PTPRG: variants seen among roughly 807,000 people sequenced by gnomAD.
The protein encoded by PTPRG is protein tyrosine phosphatase receptor type G.
Under a neutral mutation model 165.3 loss-of-function variants are expected in PTPRG, and 102 were observed. The ratio of observed to expected loss-of-function variants is 0.62; its 90% CI spans 0.53 to 0.73. PTPRG has a LOEUF of 0.73. PTPRG is among the 30% of genes least tolerant of loss of function. The probability of loss-of-function intolerance (pLI) is 0.00; values close to 1 mark genes in which losing one functional copy is unlikely to be tolerated. For missense variants in PTPRG, 1,866 were observed against 1,861.4 expected (o/e 1.00, Z -0.05); for synonymous variants, 675 against 669.5 (o/e 1.01, Z -0.13).
intron 5 of PTPRG, among the ~76,000 whole-genome samples, chr3:62,103,341 C>G (rs918122905): frequency 6.6e-6 from 1 of 152,210 alleles, no homozygotes; most frequent in Non-Finnish European, 1.5e-5. Flanking sequence ...CCCTCACCAG[C>G]TCCCCACCAG....
intron 8 of PTPRG, among the ~76,000 whole-genome samples, chr3:62,189,540 C>A (rs148650546): frequency 1.6e-3 from 247 of 152,300 alleles, no homozygotes; most frequent in African/African-American, 5.7e-3. Flanking sequence ...GGTTCCTGCA[C>A]CCAAACCAGA....
intron 4 of PTPRG, among the ~76,000 whole-genome samples, chr3:62,053,089 A>T (rs921448352): frequency 1.3e-5 from 2 of 151,960 alleles, no homozygotes; most frequent in African/African-American, 4.8e-5. Flanking sequence ...GTTAGTGTGC[A>T]TTCCTCTGGC....
chr3:61,964,499 C>T lies in PTPRG; in HGVS notation c.191-25126C>T, dbSNP rs184844550. Among the ~76,000 whole-genome samples, 534 of 152,214 alleles carry T rather than the reference C, an allele frequency of 3.5e-3. 3 individuals are homozygous for T. Among genetic ancestry groups the T allele is most frequent in the Non-Finnish European group, 4.8e-3 (329 of 68,010 alleles). ...CCCACCTCCATTGCCGCTGCTAGAG[C>T]AAAATGTTAGTTTGAGATCAAAACT... is the stretch of plus-strand genomic sequence containing the variant. On this transcript the variant is annotated intron_variant, in intron 2 of 29. Coordinates refer to ENST00000474889, the MANE Select transcript of PTPRG (RefSeq NM_002841.4).
chr3:61,606,930 A>T (rs1701026325), intron 1 of PTPRG, among the ~76,000 whole-genome samples: 1 of 152,192 alleles, frequency 6.6e-6, no homozygotes, highest in Admixed American at 6.5e-5. Flanking sequence ...ACTCTTAATG[A>T]TCAAGATTTG....
intron 2 of PTPRG, among the ~76,000 whole-genome samples, chr3:61,805,530 CAAA>C (rs58646519): frequency 5.2e-5 from 5 of 96,524 alleles, no homozygotes; most frequent in Admixed American, 1.1e-4. Flanking sequence ...ATGGGAAAGA[CAAA>C]AAAAAAAAAA....
intron 12 of PTPRG, 67 bp from the exon 13 acceptor site, chr3:62,218,784 C>T: frequency 6.5e-7 from 1 of 1,534,308 alleles, no homozygotes; most frequent in Non-Finnish European, 8.9e-7. Flanking sequence ...GAACAGAACT[C>T]TGCATCAATT....
intron 2 of PTPRG, among the ~76,000 whole-genome samples, chr3:61,979,303 A>C (rs909188760): frequency 1.3e-5 from 2 of 152,228 alleles, no homozygotes; most frequent in Non-Finnish European, 2.9e-5. Flanking sequence ...GAACTCATTT[A>C]AAATTTTATG....
chr3:61,613,521 T>A (rs1701230731), intron 1 of PTPRG, among the ~76,000 whole-genome samples: 1 of 152,336 alleles, frequency 6.6e-6, no homozygotes, highest in African/African-American at 2.4e-5. Context: ...CTCTCAAGGT[T>A]AAATTATCTA....
chr3:61,849,486 A>G (rs1161806092), intron 2 of PTPRG, among the ~76,000 whole-genome samples: 1 of 152,220 alleles, frequency 6.6e-6, no homozygotes, highest in Non-Finnish European at 1.5e-5. Flanking sequence ...TGGATTTGAA[A>G]TAAAACAGAG....
At chr3:62,144,799 C>T (rs895210447) in intron 6 of PTPRG, among the ~76,000 whole-genome samples, 3 of 152,044 alleles carry the variant, frequency 2.0e-5, no homozygotes, top group Admixed American at 1.3e-4. Flanking sequence ...GGATGCTGTG[C>T]GACTTCTATT....
intron 2 of PTPRG, among the ~76,000 whole-genome samples, chr3:61,940,249 C>T (rs1006489341): frequency 1.3e-5 from 2 of 152,140 alleles, no homozygotes; most frequent in Non-Finnish European, 2.9e-5. Context: ...CGTGCCCAGG[C>T]ACTGACTTGT....
intron 2 of PTPRG, among the ~76,000 whole-genome samples, chr3:61,814,766 A>C (rs937982986): frequency 4.7e-5 from 7 of 150,534 alleles, no homozygotes; most frequent in Non-Finnish European, 8.9e-5. Flanking sequence ...CTTTGTATTC[A>C]TCTAGGATGA....
chr3:61,797,441 C>T (rs1345041855), intron 2 of PTPRG, among the ~76,000 whole-genome samples: 1 of 151,958 alleles, frequency 6.6e-6, no homozygotes, highest in Non-Finnish European at 1.5e-5. Flanking sequence ...TGTTAGTAAC[C>T]TTTTTCCGTA....
chr3:62,077,801 C>G (rs1701437855), intron 4 of PTPRG, among the ~76,000 whole-genome samples: 1 of 151,930 alleles, frequency 6.6e-6, no homozygotes, highest in South Asian at 2.1e-4. Flanking sequence ...GTCAAGAGTT[C>G]AAGACCAGCC....
rs1317078689 is a variant in PTPRG at position 61,855,508 on chromosome 3, T to TAAAAGTTCCAA, written c.190+106527_190+106528insAAAGTTCCAAA. Among the ~76,000 whole-genome samples the TAAAAGTTCCAA allele has an allele frequency of 3.4e-3, 523 of 152,264 alleles. 6 individuals carry two copies. Among genetic ancestry groups the TAAAAGTTCCAA allele is most frequent in the African/African-American group, 0.012 (488 of 41,560 alleles). Reference sequence around the variant, plus strand: ...TGGAGTCTTCTAAAATTTTACTTTCTATATTTTGGTCTTCCATGTAAAACT... The same window carrying TAAAAGTTCCAA: ...TGGAGTCTTCTAAAATTTTACTTTCTAAAAGTTCCAAATATTTTGGTCTTCCATGTAAAACT... On this transcript the variant is annotated intron_variant, in intron 2 of 29. Coordinates refer to ENST00000474889, the MANE Select transcript of PTPRG (RefSeq NM_002841.4).
At chr3:62,134,593 T>C (rs889754648) in intron 6 of PTPRG, among the ~76,000 whole-genome samples, 2 of 152,214 alleles carry the variant, frequency 1.3e-5, no homozygotes, top group African/African-American at 4.8e-5. Flanking sequence ...CCTATCAAAT[T>C]ATTCATCCCA....
At chr3:61,989,271 C>T (rs957578230) in intron 2 of PTPRG, among the ~76,000 whole-genome samples, 8 of 152,102 alleles carry the variant, frequency 5.3e-5, no homozygotes, top group Admixed American at 2.6e-4. Context: ...CATGCTAACT[C>T]GATCAAGGTG....
At chr3:62,110,455 T>C (rs1347807840) in intron 5 of PTPRG, among the ~76,000 whole-genome samples, 1 of 152,100 alleles carries the variant, frequency 6.6e-6, no homozygotes, top group African/African-American at 2.4e-5. Flanking sequence ...TGCCCTCTTA[T>C]GCTTCCATAA....
intron 2 of PTPRG, among the ~76,000 whole-genome samples, chr3:61,877,036 TTG>T (rs1394520636): frequency 6.6e-6 from 1 of 152,182 alleles, no homozygotes; most frequent in Non-Finnish European, 1.5e-5. Flanking sequence ...GCTTACATTT[TTG>T]TGTCAGGAGG....
Sources: gnomAD v4.1 joint callset for allele counts (sites outside exome capture counted in the v4.1 genomes callset) on GRCh38, gnomAD v4.1.1 for gene constraint, MANE v1.5 for transcripts, NCBI Gene and HGNC (gene_info 2026-07-23, HGNC 2026-07-21) for gene names.